Variants in SHC4 observed in about 807,000 individuals in gnomAD.
SHC4 encodes SHC-transforming protein 4.
A neutral mutation model predicts 69.4 loss-of-function variants in SHC4; 41 were observed. That is an observed-to-expected ratio of 0.59 (90% confidence interval 0.46 to 0.77). The LOEUF (loss-of-function observed/expected upper bound fraction) is 0.77. Among genes scored for constraint, SHC4 ranks in the 30% least tolerant of loss-of-function variants. SHC4 has a pLI of 0.00. For missense variants in SHC4, 777 were observed against 783.8 expected (o/e 0.99, Z 0.10); for synonymous variants, 318 against 299.3 (o/e 1.06, Z -0.64).
At chr15:48,889,295 T>G (rs997838712) in intron 3 of SHC4, among the ~76,000 whole-genome samples, 9 of 152,228 alleles carry the variant, frequency 5.9e-5, no homozygotes, top group Admixed American at 3.3e-4. Context: ...TAAGAGCCAT[T>G]TGTCAGAATG....
At chr15:48,859,655 A>G (rs1899400568) in intron 6 of SHC4, among the ~76,000 whole-genome samples, 1 of 152,218 alleles carries the variant, frequency 6.6e-6, no homozygotes, top group Non-Finnish European at 1.5e-5. Flanking sequence ...TCTCTGAATC[A>G]TATGAATAGT....
At chr15:48,892,130 C>T (rs1326993347) in intron 2 of SHC4, among the ~76,000 whole-genome samples, 2 of 151,988 alleles carry the variant, frequency 1.3e-5, no homozygotes, top group Admixed American at 6.5e-5. Flanking sequence ...GTTGGGACTA[C>T]AGGCGTGAGC....
intron 2 of SHC4, among the ~76,000 whole-genome samples, chr15:48,903,989 C>G (rs1243859278): frequency 1.3e-5 from 2 of 152,300 alleles, no homozygotes; most frequent in East Asian, 1.9e-4. Flanking sequence ...CTATCTCACA[C>G]ATTTTTTTTC....
intron 6 of SHC4, among the ~76,000 whole-genome samples, chr15:48,863,978 G>C (rs1449199780): frequency 1.3e-5 from 2 of 152,302 alleles, no homozygotes; most frequent in South Asian, 4.2e-4. Context: ...AGGATGAAAT[G>C]AGATAATGCA....
At position 48,857,922 on chromosome 15, in the gene SHC4, G is replaced by A. The variant is rs370491205; in HGVS notation, c.947-107C>T. The A allele has an allele frequency of 4.7e-5, 40 of 854,470 alleles. No individual in the cohort carries two copies. The African/African-American group carries it at 6.5e-4, about 14-fold the overall frequency. 52.9% of individuals were successfully genotyped at this position (854,470 alleles called of 1,614,324 possible). A position where few individuals can be genotyped will look rare whatever the true frequency, so the allele number is the denominator to read the frequency against. On this transcript the variant is annotated intron_variant, in intron 6 of 11. Transcript: ENST00000332408. ...CATGAACTGATAATTGAATAAAAGG[G>A]AGCAGGATTACAAGCTCTCTGCAGC...
intron 2 of SHC4, among the ~76,000 whole-genome samples, chr15:48,923,692 T>C (rs551376754): frequency 7.6e-6 from 1 of 132,282 alleles, no homozygotes; most frequent in South Asian, 2.5e-4. Flanking sequence ...CACACAGGAG[T>C]GTATTGGCAC....
chr15:48,855,057 G>C (rs1401868434), intron 8 of SHC4, among the ~76,000 whole-genome samples: 1 of 152,024 alleles, frequency 6.6e-6, no homozygotes, highest in Non-Finnish European at 1.5e-5. Flanking sequence ...GGAGGGTGAG[G>C]ATTTAAAAAC....
intron 11 of SHC4, among the ~76,000 whole-genome samples, chr15:48,827,225 C>T (rs533094229): frequency 6.6e-6 from 1 of 152,058 alleles, no homozygotes; most frequent in East Asian, 1.9e-4. Flanking sequence ...TGGTTTTTGC[C>T]GTATTAAAAT....
chr15:48,871,063 C>T (rs957069488), intron 5 of SHC4, among the ~76,000 whole-genome samples: 2 of 152,190 alleles, frequency 1.3e-5, no homozygotes, highest in African/African-American at 4.8e-5. Flanking sequence ...TATGACTCTA[C>T]ATTTTATTCC....
chr15:48,921,700 G>C (rs561569302), intron 2 of SHC4, among the ~76,000 whole-genome samples: 1 of 152,202 alleles, frequency 6.6e-6, no homozygotes, highest in African/African-American at 2.4e-5. Context: ...AGATGAAAAA[G>C]TTCTGCAGAT....
chr15:48,924,097 C>T (rs1490433236), intron 2 of SHC4, among the ~76,000 whole-genome samples: 1 of 152,092 alleles, frequency 6.6e-6, no homozygotes, highest in Non-Finnish European at 1.5e-5. Context: ...CAATATTCAC[C>T]TTCAGAACAG....
intron 10 of SHC4, among the ~76,000 whole-genome samples, chr15:48,836,548 C>CT (rs201585158): frequency 3.1e-4 from 46 of 150,704 alleles, no homozygotes; most frequent in South Asian, 1.5e-3. Flanking sequence ...GACTTTGTTT[C>CT]TTTTTTTTTG....
Position 48,824,017 on chromosome 15 carries a change from T to A in SHC4, c.*1954A>T, listed in dbSNP as rs1476530785. ...GTATCAGGAACTCTTGCTACCAAGT[T>A]AATACTCTGCTCAGCTAGAGTGAGA... On this transcript the variant is annotated 3_prime_UTR_variant, in exon 12 of 12. Coordinates refer to ENST00000332408, the MANE Select transcript of SHC4 (RefSeq NM_203349.4). The A allele has an allele frequency of 6.6e-6, 1 of 152,240 alleles. No individual in the cohort carries two copies. The highest frequency in any genetic ancestry group is 1.5e-5 in the Non-Finnish European group (1 of 68,050). 9.4% of individuals were successfully genotyped at this position (152,240 alleles called of 1,614,324 possible).
At chr15:48,928,775 T>C (rs1900901368) in intron 1 of SHC4, among the ~76,000 whole-genome samples, 1 of 152,162 alleles carries the variant, frequency 6.6e-6, no homozygotes, top group African/African-American at 2.4e-5. Context: ...CTGTCAGCTA[T>C]GGCACAGGTG....
chr15:48,852,352 T>C (rs1311310565), intron 8 of SHC4, among the ~76,000 whole-genome samples: 1 of 152,132 alleles, frequency 6.6e-6, no homozygotes, highest in Admixed American at 6.6e-5. Context: ...TTGAAACATA[T>C]CAAAAATAAG....
chr15:48,877,484 T>A (rs1482218089), intron 4 of SHC4: 3 of 984,474 alleles, frequency 3.0e-6, no homozygotes, highest in Non-Finnish European at 3.6e-6. Context: ...AACATGTTTT[T>A]AAAAAACACA....
rs1013202581 is a variant in SHC4 at position 48,942,151 on chromosome 15, C to T, written c.586-17202G>A. Among the ~76,000 whole-genome samples, 8 of 151,956 alleles carry T rather than the reference C, an allele frequency of 5.3e-5. 1 individual carries two copies. Among genetic ancestry groups the T allele is most frequent in the African/African-American group, 9.7e-5 (4 of 41,406 alleles). On this transcript the variant is annotated intron_variant, in intron 1 of 11. Transcript: ENST00000332408. Reference sequence around the variant, plus strand: ...AGGGTCATCATGATCAGAGCTAGAACGAGGTGACCTGTTAGTCAGTATTTT... The same window carrying T: ...AGGGTCATCATGATCAGAGCTAGAATGAGGTGACCTGTTAGTCAGTATTTT...
At chr15:48,878,130 ATC>A in intron 4 of SHC4, 3 of 1,511,532 alleles carry the variant, frequency 2.0e-6, no homozygotes, top group South Asian at 1.3e-5. Flanking sequence ...GCCGCGCAGC[ATC>A]TGTCTTGCTG....
intron 1 of SHC4, among the ~76,000 whole-genome samples, chr15:48,925,418 C>T (rs1900834655): frequency 6.6e-5 from 10 of 151,984 alleles, no homozygotes; most frequent in Admixed American, 6.6e-4. Context: ...CATACAAAGG[C>T]CTAAATAGTA....
Sources: allele counts gnomAD v4.1 joint callset (sites outside exome capture counted in the v4.1 genomes callset), GRCh38; gene constraint gnomAD v4.1.1; transcripts MANE v1.5; gene names NCBI Gene and HGNC (gene_info 2026-07-23, HGNC 2026-07-21).